CAMTA1: variants seen among roughly 807,000 people sequenced by gnomAD.
The protein encoded by CAMTA1 is calmodulin binding transcription activator 1.
In CAMTA1, 27 loss-of-function variants were observed where a neutral mutation model predicts 170.9. That is an observed-to-expected ratio of 0.16 (90% confidence interval 0.12 to 0.22). CAMTA1 has a LOEUF of 0.22. Among genes scored for constraint, CAMTA1 ranks in the 10% least tolerant of loss-of-function variants. The probability of loss-of-function intolerance (pLI) is 1.00; values close to 1 mark genes in which losing one functional copy is unlikely to be tolerated. For synonymous variants in CAMTA1, 833 were observed against 891.5 expected (o/e 0.93, Z 1.17); for missense variants, 1,619 against 2,217.2 (o/e 0.73, Z 5.42).
At chr1:7,244,166 A>C (rs1205602706) in intron 4 of CAMTA1, among the ~76,000 whole-genome samples, 1 of 152,190 alleles carries the variant, frequency 6.6e-6, no homozygotes, top group East Asian at 1.9e-4. Flanking sequence ...GCCATCAGAG[A>C]AATGCAAATC....
At chr1:7,298,362 C>T (rs1035095496) in intron 5 of CAMTA1, among the ~76,000 whole-genome samples, 5 of 152,146 alleles carry the variant, frequency 3.3e-5, no homozygotes, top group African/African-American at 1.2e-4. Context: ...ATGAAAGTCA[C>T]TGACAAGTTC....
chr1:6,882,275 G>A (rs1047383191), intron 3 of CAMTA1, among the ~76,000 whole-genome samples: 1 of 152,210 alleles, frequency 6.6e-6, no homozygotes, highest in African/African-American at 2.4e-5. Flanking sequence ...CTAAGTAGTT[G>A]TAACAGGGAG....
chr1:7,037,827 G>C (rs1703843246), intron 3 of CAMTA1, among the ~76,000 whole-genome samples: 1 of 144,908 alleles, frequency 6.9e-6, no homozygotes, highest in Non-Finnish European at 1.5e-5. Flanking sequence ...AACAGAGCGA[G>C]ACTCCATATC....
chr1:6,905,013 C>T (rs956818986), intron 3 of CAMTA1, among the ~76,000 whole-genome samples: 1 of 151,988 alleles, frequency 6.6e-6, no homozygotes, highest in Non-Finnish European at 1.5e-5. Flanking sequence ...CAGTGGCCCA[C>T]GCTTGCCACT....
intron 6 of CAMTA1, among the ~76,000 whole-genome samples, chr1:7,478,897 G>T (rs1327073007): frequency 6.6e-6 from 1 of 152,240 alleles, no homozygotes; most frequent in Non-Finnish European, 1.5e-5. Context: ...GAGCAAAGGG[G>T]AGACTGTAGT....
At chr1:7,131,188 G>A (rs1445644314) in intron 4 of CAMTA1, among the ~76,000 whole-genome samples, 1 of 152,034 alleles carries the variant, frequency 6.6e-6, no homozygotes, top group Non-Finnish European at 1.5e-5. Flanking sequence ...TCTTGACCTC[G>A]TGATCCACCC....
At chr1:6,897,483 C>G (rs1461344171) in intron 3 of CAMTA1, among the ~76,000 whole-genome samples, 3 of 152,174 alleles carry the variant, frequency 2.0e-5, no homozygotes, top group Non-Finnish European at 4.4e-5. Flanking sequence ...ATATATACAC[C>G]CCCAGATTGT....
At chr1:7,004,141 C>T (rs1214767710) in intron 3 of CAMTA1, among the ~76,000 whole-genome samples, 1 of 152,128 alleles carries the variant, frequency 6.6e-6, no homozygotes, top group Non-Finnish European at 1.5e-5. Context: ...GGTGGATCAC[C>T]TTATAAACGA....
At chr1:7,151,547 G>C (rs565575858) in intron 4 of CAMTA1, among the ~76,000 whole-genome samples, 73 of 152,146 alleles carry the variant, frequency 4.8e-4, no homozygotes, top group Middle Eastern at 3.4e-3. Context: ...GCTTTTTCTT[G>C]GCACAGCATC....
intron 4 of CAMTA1, among the ~76,000 whole-genome samples, chr1:7,151,008 G>C (rs1646541735): frequency 6.6e-6 from 1 of 152,342 alleles, no homozygotes; most frequent in Admixed American, 6.5e-5. Context: ...TAATGCCACA[G>C]ATGTTTACTG....
At chr1:7,629,877 C>T (rs187885793) in intron 6 of CAMTA1, among the ~76,000 whole-genome samples, 1,674 of 143,080 alleles carry the variant, frequency 0.012, 35 homozygotes, top group African/African-American at 0.039. Flanking sequence ...CTCGGGGGGC[C>T]TGGCAGTGGC....
chr1:7,094,448 G>C (rs1641831917), intron 4 of CAMTA1, among the ~76,000 whole-genome samples: 1 of 152,204 alleles, frequency 6.6e-6, no homozygotes, highest in Non-Finnish European at 1.5e-5. Flanking sequence ...AAAATGAATT[G>C]CACCACTGAC....
intron 5 of CAMTA1, among the ~76,000 whole-genome samples, chr1:7,366,850 C>T (rs1376263088): frequency 4.6e-5 from 7 of 152,142 alleles, no homozygotes; most frequent in Non-Finnish European, 8.8e-5. Context: ...GGGGAGCAGC[C>T]GATTTCTGAT....
intron 4 of CAMTA1, among the ~76,000 whole-genome samples, chr1:7,243,138 A>T (rs1026692428): frequency 6.6e-6 from 1 of 152,198 alleles, no homozygotes; most frequent in Admixed American, 6.5e-5. Context: ...TTTAAGATAT[A>T]AAACTTTTCT....
intron 11 of CAMTA1, among the ~76,000 whole-genome samples, chr1:7,687,809 G>A (rs1161774633): frequency 6.6e-6 from 1 of 152,100 alleles, no homozygotes; most frequent in Non-Finnish European, 1.5e-5. Flanking sequence ...GGCTCCAGGT[G>A]AGCCCCAAAG....
At chr1:7,110,452 G>T (rs1010067773) in intron 4 of CAMTA1, among the ~76,000 whole-genome samples, 2 of 152,164 alleles carry the variant, frequency 1.3e-5, no homozygotes, top group African/African-American at 4.8e-5. Context: ...TAGCTGAATT[G>T]CCCGAGCAGG....
intron 22 of CAMTA1, among the ~76,000 whole-genome samples, chr1:7,758,981 G>A (rs2096954776): frequency 6.8e-6 from 1 of 146,642 alleles, no homozygotes; most frequent in Non-Finnish European, 1.5e-5. Flanking sequence ...TTGTTAATTT[G>A]TAAAGTATTC....
At chr1:7,373,742 C>T (rs150535685) in intron 5 of CAMTA1, among the ~76,000 whole-genome samples, 5 of 152,340 alleles carry the variant, frequency 3.3e-5, no homozygotes, top group African/African-American at 1.2e-4. Flanking sequence ...TGAAACATAA[C>T]TCACAGAGTT....
At position 7,398,167 on chromosome 1, in the gene CAMTA1, C is replaced by T. The variant is rs995265394; in HGVS notation, c.439-69663C>T. On this transcript the variant is annotated intron_variant, in intron 5 of 22. Coordinates refer to ENST00000303635, the MANE Select transcript of CAMTA1 (RefSeq NM_015215.4). ...TATAATAATATTGCTCTCTCTCTCTCTCTCTCTCTCTCTCTCTCTCTCTCT... is the reference window on the plus strand; with the variant it reads ...TATAATAATATTGCTCTCTCTCTCTTTCTCTCTCTCTCTCTCTCTCTCTCT... 8.1e-4 allele frequency among the ~76,000 whole-genome samples: 27 copies of T among 33,452 alleles called. No homozygotes were observed. In the East Asian group the frequency reaches 0.022, roughly 28 times the overall value. 21.9% of individuals were successfully genotyped at this position (33,452 alleles called of 152,430 possible). A position where few individuals can be genotyped will look rare whatever the true frequency, so the allele number is the denominator to read the frequency against.
Sources: gnomAD v4.1 joint callset for allele counts (sites outside exome capture counted in the v4.1 genomes callset) on GRCh38, gnomAD v4.1.1 for gene constraint, MANE v1.5 for transcripts, NCBI Gene and HGNC (gene_info 2026-07-23, HGNC 2026-07-21) for gene names.